RPSA2: variants seen among roughly 807,000 people sequenced by gnomAD.
The protein encoded by RPSA2 is small ribosomal subunit protein uS2B.
the RPSA2 span, among the ~76,000 whole-genome samples, chr19:23,784,354 CT>C: frequency 1.2e-4 from 18 of 152,340 alleles, no homozygotes; most frequent in African/African-American, 4.3e-4. Context: ...GCAGAGCCCA[CT>C]GGGTGAGGTC....
chr19:23,844,377 TA>T, the RPSA2 span, among the ~76,000 whole-genome samples: 2 of 152,188 alleles, frequency 1.3e-5, no homozygotes, highest in African/African-American at 4.8e-5. Context: ...TTTCACATAA[TA>T]AACTATTTTT....
chr19:23,831,399 A>T, the RPSA2 span, among the ~76,000 whole-genome samples: 3 of 152,104 alleles, frequency 2.0e-5, no homozygotes, highest in Admixed American at 6.5e-5. Context: ...ACACTTATTT[A>T]TAAATTTTTT....
chr19:23,863,871 C>A, the RPSA2 span, among the ~76,000 whole-genome samples: 1 of 152,212 alleles, frequency 6.6e-6, no homozygotes, highest in Non-Finnish European at 1.5e-5. Context: ...AAAACAAACA[C>A]ATGACCACAC....
chr19:23,865,392 G>A, the RPSA2 span, among the ~76,000 whole-genome samples: 1 of 152,256 alleles, frequency 6.6e-6, no homozygotes, highest in South Asian at 2.1e-4. Context: ...TCTTGATGTG[G>A]AAAATTGGGA....
chr19:23,831,966 C>A, the RPSA2 span: 2 of 377,050 alleles, frequency 5.3e-6, no homozygotes, highest in Admixed American at 3.1e-5. Context: ...GAGAGAAGTC[C>A]TACAAATGTA....
the RPSA2 span, among the ~76,000 whole-genome samples, chr19:23,797,010 A>C: frequency 1.5e-4 from 23 of 149,226 alleles, no homozygotes; most frequent in Non-Finnish European, 2.8e-4. Context: ...AAGATCTTTC[A>C]AACTTTTTTA....
the RPSA2 span, among the ~76,000 whole-genome samples, chr19:23,759,832 G>A: frequency 6.6e-6 from 1 of 152,000 alleles, no homozygotes; most frequent in Non-Finnish European, 1.5e-5. Flanking sequence ...TATATATCAG[G>A]TTTTTAAAAC....
chr19:23,863,393 A>T, the RPSA2 span, among the ~76,000 whole-genome samples: 47 of 152,162 alleles, frequency 3.1e-4, no homozygotes, highest in East Asian at 8.1e-3. Context: ...GTGAAACCCT[A>T]TCTCTGCTAC....
the RPSA2 span, among the ~76,000 whole-genome samples, chr19:23,811,233 T>G: frequency 2.6e-5 from 4 of 152,206 alleles, no homozygotes; most frequent in South Asian, 2.1e-4. Flanking sequence ...GCTAGGCTGG[T>G]CTTGAACTTT....
At chr19:23,844,766 G>T in the RPSA2 span, among the ~76,000 whole-genome samples, 3 of 151,466 alleles carry the variant, frequency 2.0e-5, no homozygotes, top group Admixed American at 6.6e-5. Flanking sequence ...TTGGTAGCAG[G>T]GTGGTACTGA....
At chr19:23,826,743 T>C in the RPSA2 span, among the ~76,000 whole-genome samples, 1 of 152,076 alleles carries the variant, frequency 6.6e-6, no homozygotes, top group African/African-American at 2.4e-5. Context: ...TGGAGTGCAG[T>C]GGGGCGATCT....
the RPSA2 span, among the ~76,000 whole-genome samples, chr19:23,814,009 C>A: frequency 6.6e-6 from 1 of 151,862 alleles, no homozygotes; most frequent in Non-Finnish European, 1.5e-5. Flanking sequence ...GCGTGAGCCA[C>A]CGTGCCAGCC....
At chr19:23,815,670 T>A in the RPSA2 span, among the ~76,000 whole-genome samples, 1 of 152,196 alleles carries the variant, frequency 6.6e-6, no homozygotes, top group African/African-American at 2.4e-5. Flanking sequence ...ATTAATACGG[T>A]CTGCAATGTC....
chr19:23,830,583 T>TCTTA, the RPSA2 span, among the ~76,000 whole-genome samples: 150,697 of 152,138 alleles, frequency 0.99, 74,653 homozygotes, highest in Middle Eastern at 1. Flanking sequence ...CATCATATTT[T>TCTTA]CTTTTAGGAT....
chr19:23,847,320 A>G, the RPSA2 span, among the ~76,000 whole-genome samples: 2 of 150,726 alleles, frequency 1.3e-5, no homozygotes, highest in Non-Finnish European at 2.9e-5. Flanking sequence ...ATCTCTTTGT[A>G]TTGGGGAAAC....
the RPSA2 span, among the ~76,000 whole-genome samples, chr19:23,829,757 T>C: frequency 6.6e-4 from 101 of 152,364 alleles, 1 homozygote; most frequent in East Asian, 0.019. Flanking sequence ...TTGATGTTGC[T>C]AATTATATCT....
the RPSA2 span, among the ~76,000 whole-genome samples, chr19:23,800,617 T>A: frequency 0.019 from 5 of 268 alleles, no homozygotes; most frequent in Non-Finnish European, 0.42. Flanking sequence ...TCTACAAACT[T>A]TTTTTTTTTT....
chr19:23,805,747 G>A, the RPSA2 span, among the ~76,000 whole-genome samples: 3 of 152,110 alleles, frequency 2.0e-5, no homozygotes, highest in Non-Finnish European at 4.4e-5. Context: ...ATTGCCATGT[G>A]CTTAGTATGT....
At chr19:23,868,555 A>G in the RPSA2 span, among the ~76,000 whole-genome samples, 1 of 152,138 alleles carries the variant, frequency 6.6e-6, no homozygotes, top group Non-Finnish European at 1.5e-5. Context: ...CTCAAACAAA[A>G]CTAAGTTTAT....
Sources: gnomAD v4.1 joint callset for allele counts (sites outside exome capture counted in the v4.1 genomes callset) on GRCh38, gnomAD v4.1.1 for gene constraint, MANE v1.5 for transcripts, NCBI Gene and HGNC (gene_info 2026-07-23, HGNC 2026-07-21) for gene names.